The following GRID2 variants were observed in gnomAD, a reference collection of about 807,000 sequenced individuals.
GRID2 encodes the protein glutamate receptor ionotropic, delta-2.
A neutral mutation model predicts 114.8 loss-of-function variants in GRID2; 33 were observed. The observed-to-expected ratio is 0.29, with a 90% confidence interval of 0.22 to 0.38. GRID2 has a LOEUF of 0.38. Among genes scored for constraint, GRID2 ranks in the 10% least tolerant of loss-of-function variants. The pLI, the probability that GRID2 is intolerant of heterozygous loss-of-function variation, is 1.00. For missense variants in GRID2, 1,184 were observed against 1,257.7 expected (o/e 0.94, Z 0.89); for synonymous variants, 505 against 449.9 (o/e 1.12, Z -1.55).
chr4:93,080,194 G>A (rs916159170), intron 2 of GRID2, among the ~76,000 whole-genome samples: 12 of 152,124 alleles, frequency 7.9e-5, no homozygotes, highest in Middle Eastern at 3.4e-3. Flanking sequence ...AAGTATAAAA[G>A]CAAATGTCTG....
At chr4:93,146,264 G>A (rs1048339632) in intron 4 of GRID2, among the ~76,000 whole-genome samples, 4 of 152,036 alleles carry the variant, frequency 2.6e-5, no homozygotes, top group Non-Finnish European at 5.9e-5. Flanking sequence ...TAGTGACATC[G>A]AGAGTTAATT....
chr4:93,231,390 C>CAAAAAAAAAAAAA (rs34267723), intron 7 of GRID2, among the ~76,000 whole-genome samples: 1 of 104,510 alleles, frequency 9.6e-6, no homozygotes. Flanking sequence ...CACCCCCTGC[C>CAAAAAAAAAAAAA]AAAAAAAAAA....
chr4:92,802,506 T>C (rs915172385), intron 2 of GRID2, among the ~76,000 whole-genome samples: 4 of 151,846 alleles, frequency 2.6e-5, no homozygotes, highest in Admixed American at 2.0e-4. Context: ...TAAAATCTAC[T>C]CTATCTAGTA....
At chr4:93,739,825 C>A in intron 14 of GRID2, among the ~76,000 whole-genome samples, 1 of 152,186 alleles carries the variant, frequency 6.6e-6, no homozygotes, top group East Asian at 1.9e-4. Context: ...GACCTGATTA[C>A]TTTCCTGAAT....
intron 11 of GRID2, among the ~76,000 whole-genome samples, chr4:93,465,480 G>T (rs1724177736): frequency 6.6e-6 from 1 of 152,126 alleles, no homozygotes; most frequent in Non-Finnish European, 1.5e-5. Flanking sequence ...CTAGCTATGT[G>T]ACATTTGACA....
At chr4:92,311,807 C>T (rs1297625723) in intron 1 of GRID2, among the ~76,000 whole-genome samples, 1 of 151,852 alleles carries the variant, frequency 6.6e-6, no homozygotes, top group Non-Finnish European at 1.5e-5. Flanking sequence ...ACATTTTATT[C>T]TGAATTTACT....
At chr4:93,368,556 C>T (rs1156943391) in intron 8 of GRID2, among the ~76,000 whole-genome samples, 6 of 152,126 alleles carry the variant, frequency 3.9e-5, no homozygotes, top group Admixed American at 3.9e-4. Flanking sequence ...TCCCCACTCC[C>T]ACCTCTCCCC....
intron 1 of GRID2, among the ~76,000 whole-genome samples, chr4:92,401,948 T>C (rs1046692807): frequency 1.3e-5 from 2 of 152,210 alleles, no homozygotes; most frequent in African/African-American, 4.8e-5. Context: ...AATTGGAGTT[T>C]ATTCTCTCAC....
At chr4:93,777,726 C>T (rs532874098), downstream of GRID2, among the ~76,000 whole-genome samples, 35 of 152,262 alleles carry the variant, frequency 2.3e-4, no homozygotes, top group South Asian at 6.6e-3. Context: ...AGCTGCTTTA[C>T]AAGGAGAAAC....
intron 1 of GRID2, among the ~76,000 whole-genome samples, chr4:92,351,121 A>G (rs1335793951): frequency 3.3e-5 from 5 of 151,778 alleles, no homozygotes; most frequent in Admixed American, 6.6e-5. Flanking sequence ...ATCATGATTA[A>G]TGTTGCTATT....
intron 14 of GRID2, among the ~76,000 whole-genome samples, chr4:93,657,375 G>A (rs985586541): frequency 2.0e-5 from 3 of 152,086 alleles, no homozygotes; most frequent in African/African-American, 7.2e-5. Context: ...AAATTAAACT[G>A]TAGATTGACT....
intron 1 of GRID2, among the ~76,000 whole-genome samples, chr4:92,313,253 T>C (rs184070096): frequency 1.4e-4 from 21 of 152,190 alleles, no homozygotes; most frequent in African/African-American, 4.6e-4. Context: ...TTGTATGTTC[T>C]CACTGATATG....
chr4:93,798,161 A>AAAAAAAT (rs1218439397), intron 1 of GRID2, among the ~76,000 whole-genome samples: 2 of 152,106 alleles, frequency 1.3e-5, no homozygotes, highest in Non-Finnish European at 2.9e-5. Flanking sequence ...CTCAAGAAGA[A>AAAAAAAT]AAAAAATAAA....
At chr4:92,917,004 C>T (rs1214572260) in intron 2 of GRID2, among the ~76,000 whole-genome samples, 1 of 152,152 alleles carries the variant, frequency 6.6e-6, no homozygotes, top group Non-Finnish European at 1.5e-5. Flanking sequence ...TCCTATTTCT[C>T]CACATCCTCT....
intron 1 of GRID2, among the ~76,000 whole-genome samples, chr4:92,377,500 A>G (rs560895133): frequency 6.6e-6 from 1 of 151,806 alleles, no homozygotes; most frequent in Non-Finnish European, 1.5e-5. Flanking sequence ...AACTGTTCCA[A>G]CCTCTGCCTG....
intron 9 of GRID2, among the ~76,000 whole-genome samples, chr4:93,412,427 C>T (rs891917062): frequency 5.3e-5 from 8 of 151,910 alleles, no homozygotes; most frequent in African/African-American, 1.7e-4. Context: ...CTGATTGTAG[C>T]GTATTTAGGT....
At chr4:92,675,331 T>G (rs937194377) in intron 2 of GRID2, among the ~76,000 whole-genome samples, 14 of 152,126 alleles carry the variant, frequency 9.2e-5, no homozygotes, top group African/African-American at 3.1e-4. Context: ...GCCTATGGTT[T>G]CTGACTGAAA....
chr4:92,799,672 C>T (rs564076378), intron 2 of GRID2, among the ~76,000 whole-genome samples: 1 of 151,978 alleles, frequency 6.6e-6, no homozygotes, highest in Non-Finnish European at 1.5e-5. Flanking sequence ...TCCATTTAAA[C>T]TTAATCACCT....
chr4:92,586,631 CA>C (rs1477838280), intron 1 of GRID2, among the ~76,000 whole-genome samples: 3 of 151,772 alleles, frequency 2.0e-5, no homozygotes, highest in African/African-American at 7.3e-5. Context: ...TATGACACTT[CA>C]CAATGAAAAT....
Sources: gnomAD v4.1 joint callset for allele counts (sites outside exome capture counted in the v4.1 genomes callset) on GRCh38, gnomAD v4.1.1 for gene constraint, MANE v1.5 for transcripts, NCBI Gene and HGNC (gene_info 2026-07-23, HGNC 2026-07-21) for gene names.